Variants in EPHA10 observed in about 807,000 individuals in gnomAD.
EPHA10 encodes ephrin type-A receptor 10.
Under a neutral mutation model 109.7 loss-of-function variants are expected in EPHA10, and 120 were observed. That is an observed-to-expected ratio of 1.09 (90% CI 0.94 to 1.27). The LOEUF is 1.27. EPHA10 is among the 50% of genes most tolerant of loss of function. EPHA10 has a pLI of 0.00. For missense variants in EPHA10, 1,396 were observed against 1,411.1 expected, an observed-to-expected ratio of 0.99 and a Z score of 0.17; for synonymous variants, 640 against 618.9, an observed-to-expected ratio of 1.03 and a Z score of -0.51.
intron 5 of EPHA10, among the ~76,000 whole-genome samples, chr1:37,751,598 G>A (rs984736118): frequency 4.0e-5 from 6 of 150,244 alleles, no homozygotes; most frequent in Admixed American, 2.0e-4. Context: ...CTGGCTAGGC[G>A]CGCAGTGGCT....
At position 37,719,322 on chromosome 1, in the gene EPHA10, G is replaced by T; in HGVS notation, c.2756+92C>A. On this transcript the variant is annotated intron_variant, in intron 15 of 16. Coordinates refer to ENST00000373048, the MANE Select transcript of EPHA10 (RefSeq NM_001099439.2). ...GGTGAACAATTGCTCTTGGACAGGT[G>T]GGGTGGTGGAGGCGGTGGGTTTGCA... The T allele has an allele frequency of 5.7e-6, 8 of 1,407,086 alleles. No individual in the cohort carries two copies. The South Asian group carries it at 8.0e-5, about 14-fold the overall frequency. 87.2% of individuals were successfully genotyped at this position (1,407,086 alleles called of 1,614,324 possible). A position where few individuals can be genotyped will look rare whatever the true frequency, so the allele number is the denominator to read the frequency against.
Position 37,718,262 on chromosome 1 carries a change from G to T in EPHA10, c.*110C>A. On this transcript the variant is annotated 3_prime_UTR_variant, in exon 17 of 17. Transcript: ENST00000373048. ...CCACCAGATCTGGGCCCAAGCAGAGGAAGAGAGCGCTCCCTCCCACACTGC... is the reference window on the plus strand; with the variant it reads ...CCACCAGATCTGGGCCCAAGCAGAGTAAGAGAGCGCTCCCTCCCACACTGC... 1.1e-6 allele frequency: 1 copy of T among 929,104 alleles called. No individual in the cohort carries two copies. The highest frequency in any genetic ancestry group is 1.7e-6 in the Non-Finnish European group (1 of 601,966). 57.6% of individuals were successfully genotyped at this position (929,104 alleles called of 1,614,324 possible). A position where few individuals can be genotyped will look rare whatever the true frequency, so the allele number is the denominator to read the frequency against.
In EPHA10 at chr1:37,721,704, A is replaced by G. The variant is rs778311280; in HGVS notation, c.2102T>C (p.Phe701Ser). 1 of 1,612,204 alleles carries G rather than the reference A, an allele frequency of 6.2e-7. No homozygotes were observed. The highest frequency in any genetic ancestry group is 1.7e-5 in the Admixed American group (1 of 59,964). ...FLAEALTLGQFDHSHIVRLEG... is the reference protein window; with the variant it reads ...FLAEALTLGQSDHSHIVRLEG... Reference sequence around the variant, plus strand: ...CAGCCGCACGATGTGGCTATGGTCAAACTGGCCCAGCGTGAGGGCCTCGGC... The same window carrying G: ...CAGCCGCACGATGTGGCTATGGTCAGACTGGCCCAGCGTGAGGGCCTCGGC... Residue 701 changes from phenylalanine (F) to serine (S), a missense_variant, in exon 11 of 17, where the codon TTT becomes TCT. Transcript: ENST00000373048.
chr1:37,752,881 G>A lies in EPHA10; in HGVS notation c.1352C>T (p.Pro451Leu), dbSNP rs935249093. Residue 451 changes from proline (P) to leucine (L), a missense_variant, in exon 5 of 17, where the codon CCC becomes CTC. Transcript: ENST00000373048. ...GGGGGCGCGGACGGCCTTACCCCCGGGCCCGGTGGAGACGGTGACCTGCGC... is the reference window on the plus strand; with the variant it reads ...GGGGGCGCGGACGGCCTTACCCCCGAGCCCGGTGGAGACGGTGACCTGCGC... ...TYAQVTVSTG[P>L]GAPWEEDEIR... The A allele has an allele frequency of 2.8e-5, 36 of 1,295,358 alleles. No homozygotes were observed. Among genetic ancestry groups the A allele is most frequent in the Admixed American group, 2.5e-4 (6 of 24,108 alleles). 80.2% of individuals were successfully genotyped at this position (1,295,358 alleles called of 1,614,324 possible).
intron 5 of EPHA10, among the ~76,000 whole-genome samples, chr1:37,744,345 A>T (rs1209070714): frequency 1.3e-5 from 2 of 151,122 alleles, no homozygotes; most frequent in Admixed American, 6.6e-5. Flanking sequence ...AACTGTCTCA[A>T]CTAAAAATAC....
Position 37,746,101 on chromosome 1 carries a change from C to CTTT in EPHA10, c.1357+6772_1357+6774dup, listed in dbSNP as rs111763214. ...GTGTCTCTCCCTTTTCTTTTCTTTTCTTTTTTTTTTTTTTTTGAGATGGAG... is the reference window on the plus strand; with the variant it reads ...GTGTCTCTCCCTTTTCTTTTCTTTTCTTTTTTTTTTTTTTTTTTTGAGATGGAG... On this transcript the variant is annotated intron_variant, in intron 5 of 16. Transcript: ENST00000373048. Among the ~76,000 whole-genome samples, 305 of 127,416 alleles carry CTTT rather than the reference C, an allele frequency of 2.4e-3. 5 individuals carry two copies. The highest frequency in any genetic ancestry group is 5.3e-3 in the African/African-American group (179 of 33,854). 83.6% of individuals were successfully genotyped at this position (127,416 alleles called of 152,430 possible). A position where few individuals can be genotyped will look rare whatever the true frequency, so the allele number is the denominator to read the frequency against.
chr1:37,751,575 A>G (rs1185716423), intron 5 of EPHA10, among the ~76,000 whole-genome samples: 2 of 151,334 alleles, frequency 1.3e-5, no homozygotes, highest in African/African-American at 2.4e-5. Flanking sequence ...TTCAAAAAAA[A>G]AAAAAAGAAA....
At chr1:37,725,528 A>G (rs906442098) in intron 8 of EPHA10, among the ~76,000 whole-genome samples, 76 of 150,746 alleles carry the variant, frequency 5.0e-4, no homozygotes, top group African/African-American at 1.0e-3. Flanking sequence ...AAAAAAAAAA[A>G]AAGAAGTAAC....
chr1:37,718,919 G>A (rs930254361), intron 15 of EPHA10, 103 bp from the exon 16 acceptor site: 55 of 1,428,798 alleles, frequency 3.8e-5, no homozygotes, highest in Non-Finnish European at 5.0e-5. Flanking sequence ...GAGAAGGGGA[G>A]GGTAACCGGG....
chr1:37,729,546 G>T (rs1031377018), intron 7 of EPHA10, among the ~76,000 whole-genome samples: 2 of 152,076 alleles, frequency 1.3e-5, no homozygotes, highest in African/African-American at 4.8e-5. Context: ...AACATAGCAA[G>T]ATTCCATCGC....
Position 37,744,640 on chromosome 1 carries a change from A to C in EPHA10, c.1357+8236T>G, listed in dbSNP as rs143251684. 4.0e-3 allele frequency among the ~76,000 whole-genome samples: 611 copies of C among 151,534 alleles called. 4 individuals are homozygous for C. Among genetic ancestry groups the C allele is most frequent in the Middle Eastern group, 0.034 (10 of 294 alleles). ...GCACCACTGTACGCCACCCTGGGCAACAGAGCAAGACTCCATCTTGGGGAA... is the reference window on the plus strand; with the variant it reads ...GCACCACTGTACGCCACCCTGGGCACCAGAGCAAGACTCCATCTTGGGGAA... On this transcript the variant is annotated intron_variant, in intron 5 of 16. Transcript: ENST00000373048.
At chr1:37,750,909 G>C (rs1342089757) in intron 5 of EPHA10, among the ~76,000 whole-genome samples, 1 of 151,990 alleles carries the variant, frequency 6.6e-6, no homozygotes, top group African/African-American at 2.4e-5. Flanking sequence ...TCAATCAAAA[G>C]AAATCCATAT....
At chr1:37,758,501 T>G (rs987536229) in intron 3 of EPHA10, among the ~76,000 whole-genome samples, 3 of 152,196 alleles carry the variant, frequency 2.0e-5, no homozygotes, top group Non-Finnish European at 4.4e-5. Flanking sequence ...GGCCACCAAC[T>G]GGGCACTTTC....
intron 2 of EPHA10, 65 bp downstream of exon 2, chr1:37,762,720 T>C: frequency 7.0e-7 from 1 of 1,425,518 alleles, no homozygotes; most frequent in East Asian, 2.6e-5. Context: ...CATGAGGAGC[T>C]GAGGAGACTG....
intron 5 of EPHA10, among the ~76,000 whole-genome samples, chr1:37,744,617 A>T (rs1175145674): frequency 6.6e-6 from 1 of 151,886 alleles, no homozygotes; most frequent in Non-Finnish European, 1.5e-5. Flanking sequence ...CCAAGATTGC[A>T]CCACTGTACG....
In EPHA10 at chr1:37,723,370, G is replaced by T. The variant is rs1228038415; in HGVS notation, c.1775C>A (p.Pro592His). The stretch of plus-strand genomic sequence containing the variant: ...CCCTCCTCCTTTGCCATAGCTGCAG[G>T]GCCTGGCAGGGAGTTCAGGGTCATT... ...VMSVLAIWRR[P>H]CSYGKGGGDA... is the part of the protein sequence containing the mutation. The change falls in exon 9 of 17, where the codon CCC (proline) becomes CAC (histidine). Residue 592 changes from proline to histidine, a missense_variant and splice_region_variant. Physicochemically the swap from Pro to His is moderately conservative, Grantham distance 77. Transcript: ENST00000373048. 2 of 1,614,006 alleles carry T rather than the reference G, an allele frequency of 1.2e-6. No homozygotes were observed. Among genetic ancestry groups the T allele is most frequent in the Non-Finnish European group, 1.7e-6 (2 of 1,180,010 alleles).
intron 6 of EPHA10, 38 bp downstream of exon 6, chr1:37,735,219 C>G (rs181474540): frequency 6.4e-7 from 1 of 1,557,474 alleles, no homozygotes; most frequent in Non-Finnish European, 8.7e-7. Context: ...GGGACAGGTG[C>G]GGGGCAGGCT....
Position 37,753,120 on chromosome 1 carries a change from G to A in EPHA10, c.1113C>T (p.Val371=). The A allele has an allele frequency of 7.1e-7, 1 of 1,402,402 alleles. No homozygotes were observed. The highest frequency in any genetic ancestry group is 9.3e-7 in the Non-Finnish European group (1 of 1,077,670). The allele number at this position is 1,402,402 out of a possible 1,614,324, so 86.9% of individuals were successfully genotyped here. ...PPADSGGRSD[V]TYSLLCLRCG... is the part of the protein sequence containing the mutation. ...AGCGCAGGCACAGCAGCGAGTAGGT[G>A]ACGTCCGAGCGGCCTCCCGAGTCGG... Residue 371 remains valine (V), a synonymous_variant, in exon 5 of 17, where the codon GTC becomes GTT. Coordinates refer to ENST00000373048, the MANE Select transcript of EPHA10 (RefSeq NM_001099439.2).
At chr1:37,731,337 A>G (rs764982267) in intron 7 of EPHA10, 74 bp downstream of exon 7, 1 of 1,439,966 alleles carries the variant, frequency 6.9e-7, no homozygotes, top group Non-Finnish European at 9.2e-7. Context: ...CTCCCCCTCT[A>G]TTTGTCTCCC....
Sources: gnomAD v4.1 joint callset for allele counts (sites outside exome capture counted in the v4.1 genomes callset) on GRCh38, gnomAD v4.1.1 for gene constraint, MANE v1.5 for transcripts, NCBI Gene and HGNC (gene_info 2026-07-23, HGNC 2026-07-21) for gene names.